SLC35F4: variants seen among roughly 807,000 people sequenced by gnomAD.
SLC35F4 encodes solute carrier family 35 member F4.
SLC35F4 carries 24 observed loss-of-function variants against 44.2 expected under a neutral mutation model. That is an observed-to-expected ratio of 0.54 (90% confidence interval 0.39 to 0.76). SLC35F4 has a LOEUF of 0.76. SLC35F4 is among the 30% of genes least tolerant of loss of function. The pLI is 0.00. For missense variants in SLC35F4, 562 were observed against 586.1 expected (o/e 0.96, Z 0.42); for synonymous variants, 238 against 223.6 (o/e 1.06, Z -0.57).
intron 7 of SLC35F4, among the ~76,000 whole-genome samples, chr14:57,565,642 C>G (rs1029731802): frequency 2.0e-5 from 3 of 152,198 alleles, no homozygotes; most frequent in African/African-American, 7.2e-5. Context: ...CTCTGAATAT[C>G]TTACAGCCAC....
intron 1 of SLC35F4, among the ~76,000 whole-genome samples, chr14:57,604,852 G>GGGAATA (rs1432273354): frequency 6.6e-6 from 1 of 152,014 alleles, no homozygotes. Flanking sequence ...AATAAGCAAT[G>GGGAATA]GGGGAAAGGA....
chr14:57,898,465 G>A (rs72624743), intron 1 of SLC35F4, among the ~76,000 whole-genome samples: 18,391 of 152,214 alleles, frequency 0.12, 1,358 homozygotes, highest in East Asian at 0.4. Context: ...TTAACCAGGA[G>A]GGTATGTGGG....
chr14:57,936,479 T>G (rs1189429467), intron 1 of SLC35F4, among the ~76,000 whole-genome samples: 1 of 152,228 alleles, frequency 6.6e-6, no homozygotes, highest in Non-Finnish European at 1.5e-5. Context: ...ACTAGACCAG[T>G]GGTTCTCAAC....
intron 1 of SLC35F4, among the ~76,000 whole-genome samples, chr14:57,709,118 G>T (rs8011764): frequency 0.046 from 7,048 of 152,202 alleles, 208 homozygotes; most frequent in South Asian, 0.082. Flanking sequence ...CCAACTGATG[G>T]CAGGCCCTCC....
At chr14:57,611,745 G>A (rs2071522810) in intron 1 of SLC35F4, among the ~76,000 whole-genome samples, 1 of 152,138 alleles carries the variant, frequency 6.6e-6, no homozygotes, top group African/African-American at 2.4e-5. Flanking sequence ...GGTGAAGGAG[G>A]TGGAAGGAAG....
At chr14:57,612,466 T>G (rs751223864) in intron 1 of SLC35F4, among the ~76,000 whole-genome samples, 1 of 152,234 alleles carries the variant, frequency 6.6e-6, no homozygotes, top group African/African-American at 2.4e-5. Context: ...CACTTACCTA[T>G]AGCGGCATTC....
intron 3 of SLC35F4, 65 bp from the exon 4 acceptor site, chr14:57,581,498 C>A (rs2069254362): frequency 7.1e-7 from 1 of 1,399,494 alleles, no homozygotes; most frequent in Non-Finnish European, 9.8e-7. Context: ...TTATCTGACT[C>A]ATCGCAGCCA....
chr14:57,687,160 G>A (rs2075091641), intron 1 of SLC35F4, among the ~76,000 whole-genome samples: 1 of 152,136 alleles, frequency 6.6e-6, no homozygotes, highest in South Asian at 2.1e-4. Flanking sequence ...AGAACTGTGA[G>A]AAAATAAATT....
At position 57,845,332 on chromosome 14, in the gene SLC35F4, T is replaced by A. The variant is rs565153591; in HGVS notation, c.103+20391A>T. Among the ~76,000 whole-genome samples the A allele has an allele frequency of 3.9e-5, 6 of 152,342 alleles. No individual in the cohort carries two copies. In the South Asian group the frequency reaches 1.2e-3, roughly 32 times the overall value. ...ACCTCTCTGAGCCTCAATTTTTTCA[T>A]CTCTAACATGGTAATAACACCCACT... On this transcript the variant is annotated intron_variant, in intron 1 of 7. Transcript: ENST00000556826.
chr14:57,711,675 G>A (rs1293239856), intron 1 of SLC35F4, among the ~76,000 whole-genome samples: 1 of 152,106 alleles, frequency 6.6e-6, no homozygotes, highest in African/African-American at 2.4e-5. Flanking sequence ...AGTCAATAAT[G>A]AACCACAGAA....
chr14:57,699,937 C>T (rs539028242), intron 1 of SLC35F4, among the ~76,000 whole-genome samples: 7 of 152,186 alleles, frequency 4.6e-5, no homozygotes, highest in Non-Finnish European at 7.3e-5. Flanking sequence ...CACAGGATAA[C>T]TGATTTACTA....
chr14:57,866,983 A>ATAATAG, upstream of SLC35F4, among the ~76,000 whole-genome samples: 1 of 147,528 alleles, frequency 6.8e-6, no homozygotes, highest in Middle Eastern at 3.6e-3. Context: ...AATAATAATA[A>ATAATAG]TAATAATAAT....
intron 1 of SLC35F4, among the ~76,000 whole-genome samples, chr14:57,647,270 G>A (rs1223560303): frequency 6.6e-6 from 1 of 151,770 alleles, no homozygotes; most frequent in African/African-American, 2.4e-5. Flanking sequence ...TCTCTTTGTA[G>A]GTCACTAAGG....
At chr14:57,724,785 G>A (rs1272623828) in intron 1 of SLC35F4, among the ~76,000 whole-genome samples, 1 of 152,210 alleles carries the variant, frequency 6.6e-6, no homozygotes, top group Non-Finnish European at 1.5e-5. Flanking sequence ...GACAGCTGCA[G>A]CACTACAGCC....
chr14:57,620,768 G>A (rs542716838), intron 1 of SLC35F4, among the ~76,000 whole-genome samples: 9 of 152,300 alleles, frequency 5.9e-5, no homozygotes, highest in South Asian at 4.1e-4. Flanking sequence ...AGACAGGGAT[G>A]CCCTCTCTCA....
chr14:57,876,476 C>T (rs1304887427), intron 1 of SLC35F4, among the ~76,000 whole-genome samples: 3 of 152,098 alleles, frequency 2.0e-5, no homozygotes, highest in Non-Finnish European at 4.4e-5. Context: ...CAGAAAAAGA[C>T]TAGCCCAATA....
At chr14:57,944,695 AAAAGAAAGAAAGAAAGAAAGAAAG>A (rs141697627) in intron 1 of SLC35F4, among the ~76,000 whole-genome samples, 5,313 of 116,036 alleles carry the variant, frequency 0.046, 255 homozygotes, top group East Asian at 0.21. Context: ...AGAAAGAAAG[AAAAGAAAGAAAGAAAGAAAGAAAG>A]AAAGAAAGAA....
chr14:57,659,500 C>T lies in SLC35F4; in HGVS notation c.104-65376G>A, dbSNP rs2074070469. Among the ~76,000 whole-genome samples the T allele has an allele frequency of 2.0e-5, 3 of 152,104 alleles. No individual in the cohort carries two copies. The South Asian group carries it at 6.2e-4, about 32-fold the overall frequency. Reference sequence around the variant, plus strand: ...AAATTAAATAGAAAGCAGCCAGTAACTGTACCAGTAACTGGTACACAGAGG... The same window carrying T: ...AAATTAAATAGAAAGCAGCCAGTAATTGTACCAGTAACTGGTACACAGAGG... On this transcript the variant is annotated intron_variant, in intron 1 of 7. Coordinates refer to ENST00000556826, the MANE Select transcript of SLC35F4 (RefSeq NM_001306087.2).
chr14:57,636,274 T>A (rs2073012455), intron 1 of SLC35F4, among the ~76,000 whole-genome samples: 1 of 152,138 alleles, frequency 6.6e-6, no homozygotes, highest in South Asian at 2.1e-4. Flanking sequence ...TTGGATTTGA[T>A]TACTAAACAT....
Sources: gnomAD v4.1 joint callset for allele counts (sites outside exome capture counted in the v4.1 genomes callset) on GRCh38, gnomAD v4.1.1 for gene constraint, MANE v1.5 for transcripts, NCBI Gene and HGNC (gene_info 2026-07-23, HGNC 2026-07-21) for gene names.